The following PDPR variants were observed in gnomAD, a reference collection of about 807,000 sequenced individuals.
The protein encoded by PDPR is pyruvate dehydrogenase phosphatase regulatory subunit.
Under a neutral mutation model 102.2 loss-of-function variants are expected in PDPR, and 50 were observed. The observed-to-expected ratio is 0.49, with a 90% CI of 0.39 to 0.62. PDPR has a LOEUF of 0.62. Among genes scored for constraint, PDPR ranks in the 20% least tolerant of loss-of-function variants. The pLI is 0.00. For synonymous variants in PDPR, 259 were observed against 406.0 expected, an observed-to-expected ratio of 0.64 and a Z score of 4.35; for missense variants, 625 against 1,098.2, an observed-to-expected ratio of 0.57 and a Z score of 6.09.
Position 70,157,350 on chromosome 16 carries a change from C to T in PDPR, c.*471C>T, listed in dbSNP as rs1253213145. Reference sequence around the variant, plus strand: ...TCGGATGCAGCCCTGAGGGGCAGCTCGTGCCTGCAGCCCGGCAGCTCGTTC... The same window carrying T: ...TCGGATGCAGCCCTGAGGGGCAGCTTGTGCCTGCAGCCCGGCAGCTCGTTC... On this transcript the variant is annotated 3_prime_UTR_variant, in exon 19 of 19. Coordinates refer to ENST00000288050, the MANE Select transcript of PDPR (RefSeq NM_017990.5). The T allele has an allele frequency of 4.0e-5, 15 of 376,232 alleles. No individual in the cohort carries two copies. The highest frequency in any genetic ancestry group is 6.3e-5 in the Non-Finnish European group (12 of 191,488). The allele number at this position is 376,232 out of a possible 1,614,324, so 23.3% of individuals were successfully genotyped here. A position where few individuals can be genotyped will look rare whatever the true frequency, so the allele number is the denominator to read the frequency against.
chr16:70,155,323 C>T (rs1967024432), intron 18 of PDPR, among the ~76,000 whole-genome samples: 1 of 152,006 alleles, frequency 6.6e-6, no homozygotes, highest in Non-Finnish European at 1.5e-5. Flanking sequence ...TTCTTGTTGT[C>T]CAGGCTGGAG....
rs780956392 is a variant in PDPR at position 70,132,264 on chromosome 16, G to C, written c.961G>C (p.Glu321Gln). The C allele has an allele frequency of 4.2e-5, 67 of 1,613,874 alleles. No individual in the cohort carries two copies. In the South Asian group the frequency reaches 7.1e-4, roughly 17 times the overall value. ...TTTCACTGAGGGCAAGAACCAGCTG[G>C]AGATTCAGAATCTACAGGAAGACTG... ...PIFTEGKNQLEIQNLQEDWDH... is the reference protein window; with the variant it reads ...PIFTEGKNQLQIQNLQEDWDH... Residue 321 changes from glutamate (E) to glutamine (Q), a missense_variant, in exon 9 of 19, where the codon GAG becomes CAG. Coordinates refer to ENST00000288050, the MANE Select transcript of PDPR (RefSeq NM_017990.5).
chr16:70,149,026 C>T (rs1938569369), intron 17 of PDPR, among the ~76,000 whole-genome samples: 2 of 151,824 alleles, frequency 1.3e-5, no homozygotes, highest in South Asian at 2.1e-4. Flanking sequence ...TCCCGAGTAG[C>T]TGGGACTGTA....
chr16:70,155,698 C>T (rs1053915467), intron 18 of PDPR, among the ~76,000 whole-genome samples: 152 of 151,998 alleles, frequency 1.0e-3, no homozygotes, highest in Non-Finnish European at 1.9e-3. Flanking sequence ...CCATAATCAC[C>T]GTTAATAGTT....
chr16:70,159,403 A>C lies in PDPR; in HGVS notation c.*2524A>C, dbSNP rs551664142. 1 of 152,672 alleles carries C rather than the reference A, an allele frequency of 6.5e-6. No individual in the cohort carries two copies. 9.5% of individuals were successfully genotyped at this position (152,672 alleles called of 1,614,324 possible). ...GTCCATTGAAACCCCTTGTCCATGA[A>C]TAGGGTCATACTCCTAAGACTGATG... On this transcript the variant is annotated 3_prime_UTR_variant, in exon 19 of 19. Transcript: ENST00000288050.
At chr16:70,134,676 C>T (rs890476047) in intron 9 of PDPR, among the ~76,000 whole-genome samples, 4 of 151,414 alleles carry the variant, frequency 2.6e-5, no homozygotes, top group Non-Finnish European at 2.9e-5. Flanking sequence ...ACGCCAGCTA[C>T]GTGGGAGGCT....
At chr16:70,155,150 C>T (rs1966989967) in intron 18 of PDPR, among the ~76,000 whole-genome samples, 1 of 152,012 alleles carries the variant, frequency 6.6e-6, no homozygotes, top group Non-Finnish European at 1.5e-5. Flanking sequence ...CGAGATCATA[C>T]CATTGTACTC....
intron 3 of PDPR, among the ~76,000 whole-genome samples, chr16:70,125,379 AAAAC>A (rs112477483): frequency 2.0e-4 from 27 of 133,096 alleles, no homozygotes; most frequent in African/African-American, 6.2e-4. Flanking sequence ...CGTCTCTAAA[AAAAC>A]AAACAAACAA....
rs547903227 is a variant in PDPR at position 70,136,867 on chromosome 16, C to T, written c.1190+481C>T. ...AGGCTATTCTCCTACCTCAGCCTCC[C>T]GAGTAGCTGGGATTAGAGGTGTGTG... is the stretch of plus-strand genomic sequence containing the variant. On this transcript the variant is annotated intron_variant, in intron 10 of 18. Transcript: ENST00000288050. Among the ~76,000 whole-genome samples, 141 of 152,270 alleles carry T rather than the reference C, an allele frequency of 9.3e-4. 1 individual carries two copies. The highest frequency in any genetic ancestry group is 3.1e-3 in the African/African-American group (129 of 41,562).
chr16:70,124,763 A>C (rs1963747747), intron 3 of PDPR, among the ~76,000 whole-genome samples: 1 of 152,220 alleles, frequency 6.6e-6, no homozygotes, highest in South Asian at 2.1e-4. Context: ...TACAAAGATG[A>C]TAGAAAAATC....
downstream of PDPR, among the ~76,000 whole-genome samples, chr16:70,163,108 C>G (rs911750045): frequency 2.0e-5 from 3 of 152,276 alleles, no homozygotes; most frequent in Admixed American, 1.3e-4. Flanking sequence ...GCCACCATGC[C>G]CAGCTAATTT....
intron 11 of PDPR, among the ~76,000 whole-genome samples, 182 bp downstream of exon 11, chr16:70,139,205 A>G (rs1965470148): frequency 6.6e-6 from 1 of 152,214 alleles, no homozygotes; most frequent in African/African-American, 2.4e-5. Flanking sequence ...TATACGTAAC[A>G]TTTTCTTTAG....
chr16:70,114,677 G>A (rs1206272546), intron 1 of PDPR, 144 bp from the exon 2 acceptor site: 4 of 152,328 alleles, frequency 2.6e-5, no homozygotes. Flanking sequence ...CCCTGGGCGT[G>A]CGCACCGCTC....
At chr16:70,155,872 G>C (rs1967116609) in intron 18 of PDPR, among the ~76,000 whole-genome samples, 1 of 141,544 alleles carries the variant, frequency 7.1e-6, no homozygotes, top group East Asian at 2.1e-4. Flanking sequence ...GTGCAATCTT[G>C]GCTCACTGCA....
chr16:70,135,044 C>T (rs1304804433), intron 9 of PDPR, among the ~76,000 whole-genome samples: 7 of 152,156 alleles, frequency 4.6e-5, no homozygotes, highest in East Asian at 1.9e-4. Context: ...GGCAACATGG[C>T]GAGACTGGAG....
At chr16:70,153,889 C>G (rs1177763383) in intron 18 of PDPR, among the ~76,000 whole-genome samples, 1 of 152,198 alleles carries the variant, frequency 6.6e-6, no homozygotes, top group Non-Finnish European at 1.5e-5. Flanking sequence ...ACTAAAAATA[C>G]AAAAAGTAGG....
chr16:70,155,915 G>A (rs1361664161), intron 18 of PDPR, among the ~76,000 whole-genome samples: 2 of 150,634 alleles, frequency 1.3e-5, no homozygotes, highest in Admixed American at 6.7e-5. Flanking sequence ...CGATTTTCCT[G>A]TCTCAGTCTC....
chr16:70,156,363 G>A (rs918414979), intron 18 of PDPR, 112 bp from the exon 19 acceptor site: 13 of 1,301,370 alleles, frequency 1.0e-5, no homozygotes, highest in Non-Finnish European at 1.4e-5. Flanking sequence ...GTTGTGGGAG[G>A]AGGCGGCTGT....
downstream of PDPR, chr16:70,162,654 G>A (rs1266514062): frequency 1.3e-5 from 2 of 152,894 alleles, no homozygotes; most frequent in South Asian, 2.1e-4. Flanking sequence ...TGTGAGGGAG[G>A]ATTTGGGGAC....
Sources: gnomAD v4.1 joint callset for allele counts (sites outside exome capture counted in the v4.1 genomes callset) on GRCh38, gnomAD v4.1.1 for gene constraint, MANE v1.5 for transcripts, NCBI Gene and HGNC (gene_info 2026-07-23, HGNC 2026-07-21) for gene names.